BCL2L12: variants seen among roughly 807,000 people sequenced by gnomAD.
BCL2L12 encodes the protein bcl-2-like protein 12.
BCL2L12 carries 27 observed loss-of-function variants against 25.7 expected under a neutral mutation model. That is an observed-to-expected ratio of 1.05 (90% CI 0.78 to 1.45). The LOEUF (loss-of-function observed/expected upper bound fraction) is 1.45. BCL2L12 is among the 40% of genes most tolerant of loss of function. BCL2L12 has a pLI of 0.00. For missense variants in BCL2L12, 302 were observed against 329.8 expected (o/e 0.92, Z 0.65); for synonymous variants, 132 against 145.6 (o/e 0.91, Z 0.67).
upstream of BCL2L12, chr19:49,665,925 C>T (rs748021413): frequency 6.8e-6 from 11 of 1,613,724 alleles, no homozygotes; most frequent in Middle Eastern, 1.6e-4. Context: ...GTGCACCCAG[C>T]GTTCCGCCCT....
At chr19:49,668,065 C>CCA (rs2081860463) in intron 3 of BCL2L12, among the ~76,000 whole-genome samples, 1 of 151,802 alleles carries the variant, frequency 6.6e-6, no homozygotes, top group Non-Finnish European at 1.5e-5. Context: ...CAGACGTGAG[C>CCA]CACCGCACCC....
chr19:49,667,750 C>T (rs1229641807), intron 3 of BCL2L12, among the ~76,000 whole-genome samples: 1 of 152,144 alleles, frequency 6.6e-6, no homozygotes, highest in African/African-American at 2.4e-5. Context: ...GTTTGCCTTC[C>T]TTGGATGAGA....
Position 49,668,871 on chromosome 19 carries a change from T to C in BCL2L12, c.271T>C (p.Tyr91His), listed in dbSNP as rs772216813. The C allele has an allele frequency of 1.2e-6, 2 of 1,613,236 alleles. No individual in the cohort carries two copies. Among genetic ancestry groups the C allele is most frequent in the Admixed American group, 1.7e-5 (1 of 60,014 alleles). Residue 91 changes from tyrosine to histidine, a missense_variant, in exon 4 of 7, where the codon TAT becomes CAT. By Grantham distance (83) the Tyr-to-His change is moderately conservative. Coordinates refer to ENST00000246784, the MANE Select transcript of BCL2L12 (RefSeq NM_138639.2). ...CCCAGGCCCAGCTACTCCAGACTTCTATGCTTTGGTGGCCCAGCGGCTGGA... is the reference window on the plus strand; with the variant it reads ...CCCAGGCCCAGCTACTCCAGACTTCCATGCTTTGGTGGCCCAGCGGCTGGA... ...LEPGPATPDF[Y>H]ALVAQRLEQL...
At chr19:49,668,591 G>A (rs1305177868) in intron 3 of BCL2L12, among the ~76,000 whole-genome samples, 1 of 151,968 alleles carries the variant, frequency 6.6e-6, no homozygotes, top group Admixed American at 6.5e-5. Context: ...ATTGCCTGAG[G>A]TCAGCCTGGG....
chr19:49,665,203 G>A, upstream of BCL2L12: 1 of 244,746 alleles, frequency 4.1e-6, no homozygotes, highest in South Asian at 5.8e-5. Context: ...GTGCAGAATC[G>A]ATTCACGTGT....
rs1448895594 is a variant in BCL2L12 at position 49,666,668 on chromosome 19, A to C, written c.-8-17A>C. 2 of 1,543,168 alleles carry C rather than the reference A, an allele frequency of 1.3e-6. No individual in the cohort carries two copies. The highest frequency in any genetic ancestry group is 1.4e-5 in the African/African-American group (1 of 72,758). ...GCTAAACCCTTGGAGTCCAGTCCCT[A>C]ACCCTCTCTCTCACAGGTGCCTCCA... On this transcript the variant is annotated splice_polypyrimidine_tract_variant and intron_variant, in intron 1 of 6. Transcript: ENST00000246784.
chr19:49,670,082 C>A, intron 5 of BCL2L12, 134 bp from the exon 6 acceptor site: 2 of 1,232,694 alleles, frequency 1.6e-6, no homozygotes, highest in Non-Finnish European at 2.2e-6. Flanking sequence ...GCTTGATTGG[C>A]TAATATGGAT....
chr19:49,665,677 T>C (rs1294013801), upstream of BCL2L12: 2 of 1,122,936 alleles, frequency 1.8e-6, no homozygotes, highest in African/African-American at 1.6e-5. Flanking sequence ...CCCACCCCTG[T>C]CTTGGAGCTC....
At chr19:49,669,310 T>C (rs1005925881) in intron 5 of BCL2L12, 195 bp downstream of exon 5, 176 of 1,109,168 alleles carry the variant, frequency 1.6e-4, no homozygotes, top group Middle Eastern at 3.1e-4. Context: ...CCGAGTTGGG[T>C]GGATGACTTG....
At chr19:49,670,033 A>G (rs1256178215) in intron 5 of BCL2L12, among the ~76,000 whole-genome samples, 183 bp from the exon 6 acceptor site, 3 of 152,166 alleles carry the variant, frequency 2.0e-5, no homozygotes, top group Admixed American at 1.3e-4. Context: ...GTTCCAGGCC[A>G]CTATCCCGGG....
Position 49,672,960 on chromosome 19 carries a change from T to C in BCL2L12, c.703-738T>C, listed in dbSNP as rs1160093232. ...TTGGCTCACTGCAACCTCCACCTCC[T>C]GGGTTCAAGCGATTCCCTGCCTCAG... On this transcript the variant is annotated intron_variant, in intron 6 of 6. Transcript: ENST00000246784. This position sits in a 1 kb window ranked among gnomAD's most constrained non-coding sequence, Gnocchi z 4.1. Among the ~76,000 whole-genome samples the C allele has an allele frequency of 6.6e-6, 1 of 152,168 alleles. No homozygotes were observed. Among genetic ancestry groups the C allele is most frequent in the African/African-American group, 2.4e-5 (1 of 41,436 alleles).
chr19:49,669,488 A>G (rs1275219584), intron 5 of BCL2L12, among the ~76,000 whole-genome samples: 1 of 151,004 alleles, frequency 6.6e-6, no homozygotes, highest in Non-Finnish European at 1.5e-5. Context: ...GTGAGCCAAG[A>G]TTGCGCCACT....
At chr19:49,670,634 G>T in intron 6 of BCL2L12, 146 bp downstream of exon 6, 1 of 1,123,532 alleles carries the variant, frequency 8.9e-7, no homozygotes, top group Non-Finnish European at 1.2e-6. Flanking sequence ...CTTGCTGTAT[G>T]CCAGGACTGC....
chr19:49,669,692 G>C (rs2081911898), intron 5 of BCL2L12, among the ~76,000 whole-genome samples: 1 of 152,038 alleles, frequency 6.6e-6, no homozygotes, highest in Non-Finnish European at 1.5e-5. Flanking sequence ...GACTGGCCAA[G>C]CTGGGGAAGT....
At position 49,669,131 on chromosome 19, in the gene BCL2L12, C is replaced by T. The variant is rs761521426; in HGVS notation, c.429+16C>T. ...TAACCAGAAGGTGATGGGCATCTGT[C>T]CCACTCCTTGGCAAGGACAGGAGTT... On this transcript the variant is annotated intron_variant, in intron 5 of 6. Transcript: ENST00000246784. The T allele has an allele frequency of 1.9e-6, 3 of 1,612,802 alleles. No individual in the cohort carries two copies. Among genetic ancestry groups the T allele is most frequent in the Non-Finnish European group, 2.5e-6 (3 of 1,179,500 alleles).
intron 5 of BCL2L12, among the ~76,000 whole-genome samples, 171 bp from the exon 6 acceptor site, chr19:49,670,045 G>A (rs1260424071): frequency 6.6e-6 from 1 of 152,184 alleles, no homozygotes; most frequent in Non-Finnish European, 1.5e-5. Flanking sequence ...TATCCCGGGG[G>A]TAGTTTGGCA....
In BCL2L12 at chr19:49,670,241, GC is replaced by G; in HGVS notation, c.456del (p.Ser152ArgfsTer47). 1 of 1,608,448 alleles carries G rather than the reference GC, an allele frequency of 6.2e-7. No individual in the cohort carries two copies. Among genetic ancestry groups the G allele is most frequent in the Non-Finnish European group, 8.5e-7 (1 of 1,179,526 alleles). On this transcript the variant is annotated frameshift_variant, in exon 6 of 7. Coordinates refer to ENST00000246784, the MANE Select transcript of BCL2L12 (RefSeq NM_138639.2). LOFTEE classifies it high-confidence loss of function. ...QKLASDPALR[S>X]KLVRLSSDSF... Reference sequence around the variant, plus strand: ...CTGGCCTCGGACCCCGCCCTGCGCAGCAAGCTGGTCCGCCTGTCCTCCGACT... The same window carrying G: ...CTGGCCTCGGACCCCGCCCTGCGCAGAAGCTGGTCCGCCTGTCCTCCGACT...
In BCL2L12 at chr19:49,672,334, G is replaced by C. The variant is rs1020066005; in HGVS notation, c.703-1364G>C. 2.0e-5 allele frequency: 3 copies of C among 153,274 alleles called. No individual in the cohort carries two copies. The Admixed American group carries it at 2.0e-4, about 10-fold the overall frequency. The allele number at this position is 153,274 out of a possible 1,614,324, so 9.5% of individuals were successfully genotyped here. ...TCAAGTGTGTTTGAGGAGCAGGGAG[G>C]AGGAGGCCAGTAGGGCTACAGTAGG... On this transcript the variant is annotated intron_variant, in intron 6 of 6. Coordinates refer to ENST00000246784, the MANE Select transcript of BCL2L12 (RefSeq NM_138639.2). This position sits in a 1 kb window ranked among gnomAD's most constrained non-coding sequence, Gnocchi z 4.1.
intron 6 of BCL2L12, among the ~76,000 whole-genome samples, chr19:49,670,788 C>T (rs1183642760): frequency 6.6e-6 from 1 of 152,046 alleles, no homozygotes; most frequent in African/African-American, 2.4e-5. Context: ...GAGGCCAAGG[C>T]AGGAGAATTA....
Sources: gnomAD v4.1 joint callset for allele counts (sites outside exome capture counted in the v4.1 genomes callset) on GRCh38, gnomAD v4.1.1 for gene constraint, Gnocchi (gnomAD v3.1) non-coding constraint, MANE v1.5 for transcripts, NCBI Gene and HGNC (gene_info 2026-07-23, HGNC 2026-07-21) for gene names.